Variants in DOCK1 observed in about 807,000 individuals in gnomAD.
DOCK1 encodes dedicator of cytokinesis 1, also known as dedicator of cytokinesis protein 1.
A neutral mutation model predicts 262.7 loss-of-function variants in DOCK1; 138 were observed. The observed-to-expected ratio is 0.53, with a 90% CI of 0.46 to 0.61. DOCK1 has a LOEUF of 0.61. DOCK1 is among the 20% of genes least tolerant of loss of function. The probability of loss-of-function intolerance (pLI) is 0.00; values close to 1 mark genes in which losing one functional copy is unlikely to be tolerated. For missense variants in DOCK1, 1,908 were observed against 2,370.7 expected (o/e 0.80, Z 4.05); for synonymous variants, 866 against 867.4 (o/e 1.00, Z 0.03).
chr10:126,944,602 G>A (rs2035256493), intron 1 of DOCK1, among the ~76,000 whole-genome samples: 1 of 152,100 alleles, frequency 6.6e-6, no homozygotes, highest in African/African-American at 2.4e-5. Context: ...CGGAGGCCCA[G>A]GGAGGACACC....
At chr10:127,320,488 A>G (rs1208578089) in intron 29 of DOCK1, among the ~76,000 whole-genome samples, 1 of 152,122 alleles carries the variant, frequency 6.6e-6, no homozygotes, top group Non-Finnish European at 1.5e-5. Context: ...GACACCGTGC[A>G]CCAGGATGGA....
chr10:127,071,216 C>A (rs1358017505), intron 23 of DOCK1, among the ~76,000 whole-genome samples: 1 of 152,140 alleles, frequency 6.6e-6, no homozygotes, highest in Admixed American at 6.5e-5. Flanking sequence ...GGTAGTCTGG[C>A]TGAGATCTGA....
chr10:126,923,678 G>A (rs12247105), intron 1 of DOCK1, among the ~76,000 whole-genome samples: 1,583 of 152,302 alleles, frequency 0.01, 32 homozygotes, highest in African/African-American at 0.036. Context: ...AATCTGCCAC[G>A]GAGAAAGGAG....
intron 29 of DOCK1, among the ~76,000 whole-genome samples, chr10:127,291,051 G>A (rs1408320683): frequency 6.6e-6 from 1 of 152,132 alleles, no homozygotes; most frequent in Non-Finnish European, 1.5e-5. Context: ...GACAGCTGGG[G>A]CTTTGCATCC....
chr10:127,094,008 A>G (rs1428158613), intron 23 of DOCK1, among the ~76,000 whole-genome samples: 4 of 152,154 alleles, frequency 2.6e-5, no homozygotes, highest in Non-Finnish European at 2.9e-5. Flanking sequence ...AGTCCTCCCT[A>G]TGTGGCTGAG....
chr10:126,959,183 G>T (rs1251469314), intron 1 of DOCK1, among the ~76,000 whole-genome samples: 1 of 152,134 alleles, frequency 6.6e-6, no homozygotes, highest in Non-Finnish European at 1.5e-5. Flanking sequence ...GTCTTACAGT[G>T]GGTGCCCTTA....
At chr10:126,908,063 G>T (rs2031192554) in intron 1 of DOCK1, among the ~76,000 whole-genome samples, 3 of 149,766 alleles carry the variant, frequency 2.0e-5, no homozygotes, top group Non-Finnish European at 3.0e-5. Context: ...TTGCTGGGTA[G>T]ACAGTAATGA....
chr10:126,968,115 G>A (rs947502357), intron 1 of DOCK1, among the ~76,000 whole-genome samples: 7 of 152,112 alleles, frequency 4.6e-5, no homozygotes, highest in African/African-American at 1.7e-4. Context: ...ACAGGCATGA[G>A]CTGCCACACC....
chr10:127,362,825 A>G lies in DOCK1; in HGVS notation c.3432+613A>G. Among the ~76,000 whole-genome samples the G allele has an allele frequency of 1.5e-5, 2 of 132,280 alleles. 1 individual carries two copies. Among genetic ancestry groups the G allele is most frequent in the African/African-American group, 5.7e-5 (2 of 35,176 alleles). 86.8% of individuals were successfully genotyped at this position (132,280 alleles called of 152,430 possible). A position where few individuals can be genotyped will look rare whatever the true frequency, so the allele number is the denominator to read the frequency against. Reference sequence around the variant, plus strand: ...TTTATGTATTCTTGGGTTGGCACCCACACCCACACATACACACACACACAC... The same window carrying G: ...TTTATGTATTCTTGGGTTGGCACCCGCACCCACACATACACACACACACAC... On this transcript the variant is annotated intron_variant, in intron 33 of 51. Transcript: ENST00000623213.
At position 126,905,532 on chromosome 10, in the gene DOCK1, G is replaced by A. The variant is rs1445812503; in HGVS notation, c.15G>A (p.Val5=). Residue 5 remains valine (V), a synonymous_variant, in exon 1 of 52, where the codon GTG becomes GTA. Coordinates refer to ENST00000623213, the MANE Select transcript of DOCK1 (RefSeq NM_001290223.2). MTRW[V]PTKREEKYGV... ...CCGGCGGCGCCATGACGCGCTGGGT[G>A]CCCACCAAGCGCGAGGAGAAGTACG... 2 of 520,750 alleles carry A rather than the reference G, an allele frequency of 3.8e-6. No homozygotes were observed. Among genetic ancestry groups the A allele is most frequent in the South Asian group, 2.4e-5 (1 of 40,890 alleles). 32.3% of individuals were successfully genotyped at this position (520,750 alleles called of 1,614,324 possible). A position where few individuals can be genotyped will look rare whatever the true frequency, so the allele number is the denominator to read the frequency against.
intron 23 of DOCK1, among the ~76,000 whole-genome samples, chr10:127,091,287 C>T (rs755742974): frequency 1.5e-4 from 23 of 152,094 alleles, no homozygotes; most frequent in Non-Finnish European, 3.1e-4. Context: ...CCAGCCTGAA[C>T]GTCTATTTTT....
chr10:126,998,040 T>C, intron 7 of DOCK1, 52 bp from the exon 8 acceptor site: 1 of 1,602,724 alleles, frequency 6.2e-7, no homozygotes, highest in South Asian at 1.1e-5. Context: ...AGAAAGCAAG[T>C]GTCAGTGATG....
At chr10:126,922,754 A>T (rs1370654253) in intron 1 of DOCK1, among the ~76,000 whole-genome samples, 2 of 152,178 alleles carry the variant, frequency 1.3e-5, no homozygotes, top group Admixed American at 1.3e-4. Flanking sequence ...AATATTACAC[A>T]CTACTAAATT....
At chr10:127,110,916 C>T (rs2048827633) in intron 25 of DOCK1, among the ~76,000 whole-genome samples, 1 of 152,164 alleles carries the variant, frequency 6.6e-6, no homozygotes, top group African/African-American at 2.4e-5. Flanking sequence ...ATATTTTACC[C>T]TTGTCAAGCA....
intron 38 of DOCK1, among the ~76,000 whole-genome samples, chr10:127,389,896 C>A (rs1244590180): frequency 6.6e-6 from 1 of 152,034 alleles, no homozygotes; most frequent in Non-Finnish European, 1.5e-5. Context: ...CACCTGTAAT[C>A]CCAGCTACTT....
In DOCK1 at chr10:127,437,721, C is replaced by T. The variant is rs1424401087; in HGVS notation, c.5061-1306C>T. On this transcript the variant is annotated intron_variant, in intron 48 of 51. Transcript: ENST00000623213. The surrounding 1 kb of genome is among the most constrained non-coding windows in gnomAD (Gnocchi z 4.4). Reference sequence around the variant, plus strand: ...CTCGAACTCCTGAGCTCAAATGATCCACCTGCCTTAGCCTCCCCAAGTGCT... The same window carrying T: ...CTCGAACTCCTGAGCTCAAATGATCTACCTGCCTTAGCCTCCCCAAGTGCT... 6.6e-6 allele frequency among the ~76,000 whole-genome samples: 1 copy of T among 152,172 alleles called. No individual in the cohort carries two copies. The highest frequency in any genetic ancestry group is 1.5e-5 in the Non-Finnish European group (1 of 68,038).
intron 46 of DOCK1, among the ~76,000 whole-genome samples, chr10:127,422,158 CTTT>C (rs35535729): frequency 3.3e-5 from 2 of 61,368 alleles, no homozygotes; most frequent in Non-Finnish European, 2.9e-5. Flanking sequence ...TTTTGTTTGT[CTTT>C]TTTTTTTTTT....
At chr10:127,043,029 G>A (rs771925167) in intron 20 of DOCK1, 35 bp from the exon 21 acceptor site, 3 of 1,487,176 alleles carry the variant, frequency 2.0e-6, no homozygotes, top group Non-Finnish European at 2.8e-6. Flanking sequence ...CTTACATTAT[G>A]TTGCTAATGA....
At chr10:127,157,102 G>A (rs928731080) in intron 27 of DOCK1, among the ~76,000 whole-genome samples, 4 of 152,308 alleles carry the variant, frequency 2.6e-5, no homozygotes, top group South Asian at 2.1e-4. Context: ...ATAAATGAGC[G>A]AACGGTTAAT....
Sources: gnomAD v4.1 joint callset for allele counts (sites outside exome capture counted in the v4.1 genomes callset) on GRCh38, gnomAD v4.1.1 for gene constraint, Gnocchi (gnomAD v3.1) non-coding constraint, MANE v1.5 for transcripts, NCBI Gene and HGNC (gene_info 2026-07-23, HGNC 2026-07-21) for gene names.